ERICH3: variants seen among roughly 807,000 people sequenced by gnomAD.
ERICH3 encodes the protein glutamate rich 3.
A neutral mutation model predicts 131.1 loss-of-function variants in ERICH3; 126 were observed. The observed-to-expected ratio is 0.96, with a 90% confidence interval of 0.83 to 1.11. ERICH3 has a LOEUF of 1.11. Among genes scored for constraint, ERICH3 ranks in the 50% most tolerant of loss-of-function variants. ERICH3 has a pLI of 0.00. For missense variants in ERICH3, 2,050 were observed against 1,810.7 expected (o/e 1.13, Z -2.40); for synonymous variants, 695 against 644.6 (o/e 1.08, Z -1.18).
chr1:74,586,303 T>A, intron 12 of ERICH3: 3 of 718,308 alleles, frequency 4.2e-6, no homozygotes, highest in Non-Finnish European at 5.1e-6. Context: ...TATGTTTCCA[T>A]CTATACATAA....
At chr1:74,628,660 C>G (rs1318478934) in intron 7 of ERICH3, among the ~76,000 whole-genome samples, 1 of 151,706 alleles carries the variant, frequency 6.6e-6, no homozygotes, top group Non-Finnish European at 1.5e-5. Context: ...CCCCTTCCCC[C>G]CATGTTATTC....
chr1:74,614,113 C>A (rs1648830421), intron 8 of ERICH3, among the ~76,000 whole-genome samples: 1 of 152,056 alleles, frequency 6.6e-6, no homozygotes, highest in Admixed American at 6.5e-5. Context: ...TGGTAAGAAC[C>A]AAGAATTTGC....
At chr1:74,630,053 T>C (rs1318271763) in intron 7 of ERICH3, among the ~76,000 whole-genome samples, 1 of 152,192 alleles carries the variant, frequency 6.6e-6, no homozygotes, top group African/African-American at 2.4e-5. Flanking sequence ...TTATATATTC[T>C]TATGGCTTGT....
chr1:74,666,139 C>G (rs1212655127), intron 1 of ERICH3, among the ~76,000 whole-genome samples: 1 of 152,142 alleles, frequency 6.6e-6, no homozygotes, highest in Non-Finnish European at 1.5e-5. Flanking sequence ...TAATGAGGAT[C>G]TCTAAGAAAG....
chr1:74,581,924 T>C (rs1250511516), intron 12 of ERICH3, among the ~76,000 whole-genome samples: 1 of 152,186 alleles, frequency 6.6e-6, no homozygotes, highest in Non-Finnish European at 1.5e-5. Flanking sequence ...GAAAGGAAAG[T>C]GGGGCTTTGA....
At chr1:74,649,077 A>T in intron 2 of ERICH3, 145 bp downstream of exon 2, 1 of 549,520 alleles carries the variant, frequency 1.8e-6, no homozygotes, top group Non-Finnish European at 3.1e-6. Context: ...AACCTCAAAT[A>T]CATAAATCAA....
Position 74,644,953 on chromosome 1 carries a change from T to C in ERICH3, c.243+1714A>G, listed in dbSNP as rs558960524. ...TGGAGAGTGTCACTTCCTGCCACTC[T>C]TGCCAACTAACCCACTGTGCAGTCT... On this transcript the variant is annotated intron_variant, in intron 3 of 14. Coordinates refer to ENST00000326665, the MANE Select transcript of ERICH3 (RefSeq NM_001002912.5). Among the ~76,000 whole-genome samples, 5 of 152,230 alleles carry C rather than the reference T, an allele frequency of 3.3e-5. No homozygotes were observed. In the South Asian group the frequency reaches 1.0e-3, roughly 32 times the overall value.
intron 12 of ERICH3, chr1:74,586,245 A>G (rs2100555178): frequency 3.7e-6 from 1 of 270,264 alleles, no homozygotes; most frequent in East Asian, 1.8e-4. Flanking sequence ...AAGACATTCA[A>G]GATACAGTGT....
chr1:74,627,199 A>G (rs1224870700), intron 7 of ERICH3, among the ~76,000 whole-genome samples: 1 of 152,126 alleles, frequency 6.6e-6, no homozygotes, highest in Non-Finnish European at 1.5e-5. Context: ...GACATCTAGC[A>G]TGAAATCATG....
rs989507011 is a variant in ERICH3, at chr1:74,635,552, C to T, written c.603+728G>A. The stretch of plus-strand genomic sequence containing the variant: ...ATAATCATTCCTTTGAACATAATGA[C>T]AATTGTACTCATGTCGCAGGTTTTT... On this transcript the variant is annotated intron_variant, in intron 6 of 14. Coordinates refer to ENST00000326665, the MANE Select transcript of ERICH3 (RefSeq NM_001002912.5). Among the ~76,000 whole-genome samples, 3 of 152,162 alleles carry T rather than the reference C, an allele frequency of 2.0e-5. No homozygotes were observed. The South Asian group carries it at 6.2e-4, about 32-fold the overall frequency.
chr1:74,571,975 G>A lies in ERICH3; in HGVS notation c.3735C>T (p.Ala1245=). ...GTCCTGCGCAGGAGTCGTGATCTTTGGCTGCTAGCTCCTCTGCCTGGCCTG... is the reference window on the plus strand; with the variant it reads ...GTCCTGCGCAGGAGTCGTGATCTTTAGCTGCTAGCTCCTCTGCCTGGCCTG... ...PATGQAEELA[A]KDHDSCAGLE... The change falls in exon 14 of 15, where the codon GCC becomes GCT. Residue 1245 remains alanine, a synonymous_variant. Coordinates refer to ENST00000326665, the MANE Select transcript of ERICH3 (RefSeq NM_001002912.5). The A allele has an allele frequency of 6.2e-7, 1 of 1,613,936 alleles. No individual in the cohort carries two copies. Among genetic ancestry groups the A allele is most frequent in the Non-Finnish European group, 8.5e-7 (1 of 1,180,016 alleles).
chr1:74,586,983 T>C (rs141995605), intron 12 of ERICH3, among the ~76,000 whole-genome samples: 1 of 152,324 alleles, frequency 6.6e-6, no homozygotes, highest in African/African-American at 2.4e-5. Flanking sequence ...ATTCCATGTG[T>C]ATTATTTGTT....
chr1:74,619,983 G>A (rs1649143424), intron 8 of ERICH3, among the ~76,000 whole-genome samples: 2 of 152,070 alleles, frequency 1.3e-5, no homozygotes, highest in Admixed American at 1.3e-4. Context: ...TTCCATGTTT[G>A]TCCCCAATTC....
chr1:74,666,032 A>G (rs1202010718), intron 1 of ERICH3, among the ~76,000 whole-genome samples: 1 of 152,192 alleles, frequency 6.6e-6, no homozygotes, highest in Non-Finnish European at 1.5e-5. Context: ...TGTGCTGGCA[A>G]ACAGAAAAAG....
At chr1:74,616,149 A>T (rs1570874213) in intron 8 of ERICH3, among the ~76,000 whole-genome samples, 2 of 151,924 alleles carry the variant, frequency 1.3e-5, no homozygotes, top group East Asian at 3.9e-4. Context: ...TTACAGGCAC[A>T]CACCACCATG....
intron 1 of ERICH3, among the ~76,000 whole-genome samples, chr1:74,663,438 C>T (rs185383382): frequency 5.9e-5 from 9 of 152,170 alleles, no homozygotes; most frequent in Middle Eastern, 3.4e-3. Flanking sequence ...TGACTGGCTA[C>T]TAGAAGCCAT....
chr1:74,588,695 G>T (rs1161143765), intron 12 of ERICH3, among the ~76,000 whole-genome samples: 2 of 152,104 alleles, frequency 1.3e-5, no homozygotes, highest in African/African-American at 2.4e-5. Flanking sequence ...GGCACAGGAG[G>T]CTAGGTGAGA....
chr1:74,585,724 TA>T (rs1208511128), intron 12 of ERICH3, among the ~76,000 whole-genome samples: 1 of 151,776 alleles, frequency 6.6e-6, no homozygotes, highest in Non-Finnish European at 1.5e-5. Context: ...CATTTCTACC[TA>T]CAGTTCCAGT....
intron 1 of ERICH3, among the ~76,000 whole-genome samples, chr1:74,650,433 T>C (rs571712): frequency 0.013 from 1,921 of 152,298 alleles, 32 homozygotes; most frequent in African/African-American, 0.043. Context: ...ACATGGTGCA[T>C]GCACATATAC....
Sources: allele counts gnomAD v4.1 joint callset (sites outside exome capture counted in the v4.1 genomes callset), GRCh38; gene constraint gnomAD v4.1.1; transcripts MANE v1.5; gene names NCBI Gene and HGNC (gene_info 2026-07-23, HGNC 2026-07-21).